The following GALNT13 variants were observed in gnomAD, a reference collection of about 807,000 sequenced individuals.
The protein encoded by GALNT13 is UDP-GalNAc:polypeptide N-acetylgalactosaminyltransferase 13.
GALNT13 carries 28 observed loss-of-function variants against 64.2 expected under a neutral mutation model. That is an observed-to-expected ratio of 0.44 (90% CI 0.32 to 0.60). The LOEUF (loss-of-function observed/expected upper bound fraction) is 0.60. Among genes scored for constraint, GALNT13 ranks in the 20% least tolerant of loss-of-function variants. The pLI is 0.05. For synonymous variants in GALNT13, 214 were observed against 224.6 expected (o/e 0.95, Z 0.42); for missense variants, 577 against 669.8 (o/e 0.86, Z 1.53).
intron 3 of GALNT13, among the ~76,000 whole-genome samples, chr2:154,079,526 C>G (rs949762033): frequency 1.3e-5 from 2 of 151,604 alleles, no homozygotes; most frequent in Admixed American, 1.3e-4. Context: ...GAAGAGACCA[C>G]ACAGGCACCT....
At chr2:153,706,975 G>T in the GALNT13 span, among the ~76,000 whole-genome samples, 1 of 152,130 alleles carries the variant, frequency 6.6e-6, no homozygotes, top group East Asian at 1.9e-4. Context: ...TTGAATCATG[G>T]TTCATGATAG....
intron 3 of GALNT13, among the ~76,000 whole-genome samples, chr2:154,000,327 G>T (rs1695820242): frequency 6.6e-6 from 1 of 151,706 alleles, no homozygotes; most frequent in East Asian, 1.9e-4. Context: ...TCTGATATTT[G>T]TTATTTCTTC....
intron 3 of GALNT13, among the ~76,000 whole-genome samples, chr2:154,083,386 G>T (rs544885961): frequency 6.6e-6 from 1 of 152,042 alleles, no homozygotes; most frequent in African/African-American, 2.4e-5. Flanking sequence ...GATTGTCTTG[G>T]CTGTATGGGC....
the GALNT13 span, among the ~76,000 whole-genome samples, chr2:153,458,713 T>A: frequency 6.6e-6 from 1 of 152,204 alleles, no homozygotes; most frequent in Non-Finnish European, 1.5e-5. Context: ...GAAAAAGTAG[T>A]TATTTAATGT....
chr2:153,483,750 A>C, the GALNT13 span, among the ~76,000 whole-genome samples: 1 of 152,222 alleles, frequency 6.6e-6, no homozygotes, highest in Non-Finnish European at 1.5e-5. Flanking sequence ...TACAACATGT[A>C]TGAACCTTGA....
chr2:153,356,867 G>A, the GALNT13 span, among the ~76,000 whole-genome samples: 15 of 133,812 alleles, frequency 1.1e-4, no homozygotes, highest in Non-Finnish European at 4.6e-5. Flanking sequence ...GTGTGATCTC[G>A]GCTCACTGCA....
the GALNT13 span, among the ~76,000 whole-genome samples, chr2:153,166,137 C>T: frequency 6.6e-6 from 1 of 152,130 alleles, no homozygotes; most frequent in Non-Finnish European, 1.5e-5. Context: ...CCTACCCCAC[C>T]ACCTGTGGCA....
chr2:153,645,704 A>AT, the GALNT13 span, among the ~76,000 whole-genome samples: 2 of 152,118 alleles, frequency 1.3e-5, no homozygotes, highest in African/African-American at 2.4e-5. Context: ...GAAAAAAAGC[A>AT]TTTTTTATGT....
At chr2:154,287,754 A>G (rs879743210) in intron 8 of GALNT13, among the ~76,000 whole-genome samples, 7 of 152,022 alleles carry the variant, frequency 4.6e-5, no homozygotes, top group Admixed American at 2.0e-4. Flanking sequence ...AGTAAATTCT[A>G]TGTCTCCATT....
At chr2:153,912,209 C>G (rs771671503) in intron 2 of GALNT13, among the ~76,000 whole-genome samples, 1 of 151,944 alleles carries the variant, frequency 6.6e-6, no homozygotes. Context: ...CTTTTACTTG[C>G]TATTGCGTTA....
downstream of GALNT13, among the ~76,000 whole-genome samples, chr2:154,455,425 A>G (rs73965462): frequency 0.011 from 1,603 of 152,338 alleles, 35 homozygotes; most frequent in African/African-American, 0.037. Flanking sequence ...ATGTGTCACC[A>G]TCTACAGCTG....
the GALNT13 span, among the ~76,000 whole-genome samples, chr2:153,844,306 C>A: frequency 6.6e-6 from 1 of 152,226 alleles, no homozygotes; most frequent in Non-Finnish European, 1.5e-5. Context: ...CACATGGAAG[C>A]TGCTAAGGCT....
chr2:154,423,066 C>G (rs1700322987), intron 11 of GALNT13, among the ~76,000 whole-genome samples: 1 of 117,320 alleles, frequency 8.5e-6, no homozygotes, highest in African/African-American at 3.2e-5. Context: ...TCACCCCTCC[C>G]CCCACCCCAC....
At chr2:153,750,234 T>A in the GALNT13 span, among the ~76,000 whole-genome samples, 1 of 152,076 alleles carries the variant, frequency 6.6e-6, no homozygotes, top group East Asian at 1.9e-4. Flanking sequence ...TGCTAGTGTT[T>A]TCTTGAGGAC....
At chr2:153,873,694 C>G (rs62174143) in intron 1 of GALNT13, among the ~76,000 whole-genome samples, 2 of 152,178 alleles carry the variant, frequency 1.3e-5, no homozygotes, top group Non-Finnish European at 2.9e-5. Context: ...AACATAACAA[C>G]ATAGAGGTTT....
At chr2:154,247,070 A>C (rs942095189) in intron 7 of GALNT13, among the ~76,000 whole-genome samples, 1 of 152,054 alleles carries the variant, frequency 6.6e-6, no homozygotes, top group African/African-American at 2.4e-5. Context: ...AAAATAGGCT[A>C]ATGGAAGAGA....
intron 10 of GALNT13, among the ~76,000 whole-genome samples, chr2:154,400,254 T>C (rs1420464957): frequency 6.6e-6 from 1 of 152,164 alleles, no homozygotes; most frequent in African/African-American, 2.4e-5. Context: ...TTCTCTTAAA[T>C]AATTAGAGTC....
the GALNT13 span, among the ~76,000 whole-genome samples, chr2:153,291,143 T>C: frequency 6.6e-6 from 1 of 152,242 alleles, no homozygotes; most frequent in East Asian, 1.9e-4. Flanking sequence ...TGGCCACTAG[T>C]CCTAATCATG....
chr2:154,172,498 A>G (rs987130882), intron 4 of GALNT13, among the ~76,000 whole-genome samples: 1 of 151,878 alleles, frequency 6.6e-6, no homozygotes, highest in Non-Finnish European at 1.5e-5. Flanking sequence ...TGTCTTCATG[A>G]CGTCCATACT....
Sources: gnomAD v4.1 joint callset for allele counts (sites outside exome capture counted in the v4.1 genomes callset) on GRCh38, gnomAD v4.1.1 for gene constraint, MANE v1.5 for transcripts, NCBI Gene and HGNC (gene_info 2026-07-23, HGNC 2026-07-21) for gene names.